The following SERGEF variants were observed in gnomAD, a reference collection of about 807,000 sequenced individuals.
The protein encoded by SERGEF is secretion regulating guanine nucleotide exchange factor.
In SERGEF, 51 loss-of-function variants were observed where a neutral mutation model predicts 50.0. That is an observed-to-expected ratio of 1.02 (90% CI 0.81 to 1.29). SERGEF has a LOEUF of 1.29. Among genes scored for constraint, SERGEF ranks in the 50% most tolerant of loss-of-function variants. The probability of loss-of-function intolerance (pLI) is 0.00; values close to 1 mark genes in which losing one functional copy is unlikely to be tolerated. For missense variants in SERGEF, 521 were observed against 557.0 expected, an observed-to-expected ratio of 0.94 and a Z score of 0.65; for synonymous variants, 205 against 212.4, an observed-to-expected ratio of 0.97 and a Z score of 0.30.
At chr11:17,906,590 C>T (rs1418937139) in intron 9 of SERGEF, among the ~76,000 whole-genome samples, 8 of 152,174 alleles carry the variant, frequency 5.3e-5, no homozygotes, top group African/African-American at 2.4e-5. Flanking sequence ...GCCTCTGCGC[C>T]GCCTTCTGCA....
chr11:17,884,764 A>G lies in SERGEF; in HGVS notation c.1012-6520T>C, dbSNP rs1851398662. ...TACATTTTTAAAAAAAGCACATTGT[A>G]TGTATGCCTGTGAAAAAAATGAGCT... On this transcript the variant is annotated intron_variant, in intron 9 of 10. Coordinates refer to ENST00000265965, the MANE Select transcript of SERGEF (RefSeq NM_012139.4). This position sits in a 1 kb window ranked among gnomAD's most constrained non-coding sequence, Gnocchi z 4.6. Among the ~76,000 whole-genome samples the G allele has an allele frequency of 6.6e-6, 1 of 152,188 alleles. No individual in the cohort carries two copies. The highest frequency in any genetic ancestry group is 2.4e-5 in the African/African-American group (1 of 41,446).
intron 10 of SERGEF, among the ~76,000 whole-genome samples, chr11:17,820,417 A>G (rs770254411): frequency 6.6e-6 from 1 of 152,176 alleles, no homozygotes; most frequent in Non-Finnish European, 1.5e-5. Context: ...ACAGACTTCT[A>G]AACAATTCTG....
chr11:17,821,807 A>G lies in SERGEF; in HGVS notation c.1049-33394T>C, dbSNP rs964190538. Among the ~76,000 whole-genome samples the G allele has an allele frequency of 3.3e-5, 5 of 152,302 alleles. No homozygotes were observed. In the South Asian group the frequency reaches 1.0e-3, roughly 32 times the overall value. On this transcript the variant is annotated intron_variant, in intron 10 of 10. Coordinates refer to ENST00000265965, the MANE Select transcript of SERGEF (RefSeq NM_012139.4). ...TATGTGTCCATCTCACTCAAAAGAGAAGAGCTTCTCAGAGGGCAAGAGAGT... is the reference window on the plus strand; with the variant it reads ...TATGTGTCCATCTCACTCAAAAGAGGAGAGCTTCTCAGAGGGCAAGAGAGT...
intron 9 of SERGEF, among the ~76,000 whole-genome samples, chr11:17,953,089 G>A (rs1314722807): frequency 1.0e-5 from 1 of 95,666 alleles, no homozygotes; most frequent in Admixed American, 1.3e-4. Flanking sequence ...CCACCCAGCA[G>A]AACCCAGCAA....
intron 9 of SERGEF, among the ~76,000 whole-genome samples, chr11:17,955,078 C>T (rs1345183000): frequency 1.3e-5 from 2 of 152,206 alleles, no homozygotes; most frequent in Non-Finnish European, 2.9e-5. Flanking sequence ...ATCCTGATTG[C>T]ATCACAAGTT....
At chr11:17,899,744 G>C (rs1461717763) in intron 9 of SERGEF, among the ~76,000 whole-genome samples, 2 of 152,160 alleles carry the variant, frequency 1.3e-5, no homozygotes, top group East Asian at 3.9e-4. Context: ...CTTGAGGCCA[G>C]CGGTTCAAGA....
chr11:17,830,645 GGA>G (rs59425606), intron 10 of SERGEF, among the ~76,000 whole-genome samples: 3 of 19,382 alleles, frequency 1.5e-4, no homozygotes, highest in East Asian at 6.0e-3. Flanking sequence ...GGAGGGAGAG[GGA>G]GGGAGAGAGA....
chr11:17,857,890 T>C (rs1337860540), intron 10 of SERGEF, among the ~76,000 whole-genome samples: 1 of 151,980 alleles, frequency 6.6e-6, no homozygotes, highest in Non-Finnish European at 1.5e-5. Context: ...TTAAGCCAAC[T>C]GTAAAGGAAC....
At chr11:17,938,738 C>T (rs1467838187) in intron 9 of SERGEF, among the ~76,000 whole-genome samples, 1 of 152,152 alleles carries the variant, frequency 6.6e-6, no homozygotes, top group Non-Finnish European at 1.5e-5. Context: ...ATCCTTGGAA[C>T]ATATGGGTAT....
At chr11:17,948,748 T>G (rs1398461188) in intron 9 of SERGEF, among the ~76,000 whole-genome samples, 1 of 152,212 alleles carries the variant, frequency 6.6e-6, no homozygotes, top group Admixed American at 6.5e-5. Flanking sequence ...GACCCCACTC[T>G]ACCTCCTACT....
chr11:17,830,685 A>AGAGAGAGAGAGAGT lies in SERGEF; in HGVS notation c.1049-42273_1049-42272insACTCTCTCTCTCTC, dbSNP rs540825238. 1.7e-5 allele frequency among the ~76,000 whole-genome samples: 2 copies of AGAGAGAGAGAGAGT among 118,884 alleles called. 1 individual carries two copies. The highest frequency in any genetic ancestry group is 3.7e-5 in the Non-Finnish European group (2 of 54,760). 78.0% of individuals were successfully genotyped at this position (118,884 alleles called of 152,430 possible). A position where few individuals can be genotyped will look rare whatever the true frequency, so the allele number is the denominator to read the frequency against. On this transcript the variant is annotated intron_variant, in intron 10 of 10. Transcript: ENST00000265965. ...GAGAGAGAGAGAGAGAGAGAGAGAG[A>AGAGAGAGAGAGAGT]GAGCACATGTACATGCAAGAGTAAG...
chr11:17,860,031 C>G (rs552750183), intron 10 of SERGEF, among the ~76,000 whole-genome samples: 1 of 152,270 alleles, frequency 6.6e-6, no homozygotes, highest in East Asian at 1.9e-4. Context: ...CATCACGTAA[C>G]CACGGTGCAG....
intron 9 of SERGEF, among the ~76,000 whole-genome samples, chr11:17,958,876 T>C (rs2133970688): frequency 6.6e-6 from 1 of 152,290 alleles, no homozygotes; most frequent in East Asian, 1.9e-4. Flanking sequence ...GTTTTTGTTT[T>C]TGAGACAGAG....
intron 10 of SERGEF, among the ~76,000 whole-genome samples, chr11:17,841,125 G>C (rs1850494882): frequency 6.6e-6 from 1 of 152,144 alleles, no homozygotes; most frequent in Non-Finnish European, 1.5e-5. Context: ...TGAGTCCTCA[G>C]GCCAGCTACC....
At chr11:17,993,632 G>A (rs996814081) in intron 6 of SERGEF, among the ~76,000 whole-genome samples, 6 of 152,124 alleles carry the variant, frequency 3.9e-5, no homozygotes, top group Admixed American at 6.5e-5. Flanking sequence ...GCAGATAGAC[G>A]CAGACTTATT....
intron 10 of SERGEF, among the ~76,000 whole-genome samples, chr11:17,859,037 A>G (rs1046939640): frequency 6.6e-6 from 1 of 152,192 alleles, no homozygotes; most frequent in African/African-American, 2.4e-5. Flanking sequence ...GATGCAGGCC[A>G]TAGAGAGGCC....
chr11:17,873,745 C>A (rs1008933211), intron 10 of SERGEF, among the ~76,000 whole-genome samples: 1 of 152,116 alleles, frequency 6.6e-6, no homozygotes, highest in Admixed American at 6.5e-5. Flanking sequence ...GCCTGTCTGG[C>A]AAGCCTGAGT....
intron 10 of SERGEF, among the ~76,000 whole-genome samples, chr11:17,824,946 C>A (rs767657274): frequency 5.9e-5 from 9 of 152,158 alleles, no homozygotes; most frequent in African/African-American, 1.9e-4. Context: ...ATATTATTTC[C>A]GATGTCTAGC....
chr11:17,867,193 G>A (rs976092787), intron 10 of SERGEF, among the ~76,000 whole-genome samples: 1 of 152,230 alleles, frequency 6.6e-6, no homozygotes, highest in Admixed American at 6.5e-5. Flanking sequence ...TATGAGACAA[G>A]GCAAGTCCCT....
Sources: gnomAD v4.1 joint callset for allele counts (sites outside exome capture counted in the v4.1 genomes callset) on GRCh38, gnomAD v4.1.1 for gene constraint, Gnocchi (gnomAD v3.1) non-coding constraint, MANE v1.5 for transcripts, NCBI Gene and HGNC (gene_info 2026-07-23, HGNC 2026-07-21) for gene names.